Variants in EML6 observed in about 807,000 individuals in gnomAD.
The protein encoded by EML6 is echinoderm microtubule-associated protein-like 6.
A neutral mutation model predicts 240.1 loss-of-function variants in EML6; 154 were observed. The ratio of observed to expected loss-of-function variants is 0.64; its 90% CI spans 0.56 to 0.73. EML6 has a LOEUF of 0.73. EML6 is among the 30% of genes least tolerant of loss of function. The probability of loss-of-function intolerance (pLI) is 0.00; values close to 1 mark genes in which losing one functional copy is unlikely to be tolerated. For missense variants in EML6, 2,964 were observed against 2,474.6 expected (o/e 1.20, Z -4.20); for synonymous variants, 1,148 against 899.0 (o/e 1.28, Z -4.95).
intron 36 of EML6, among the ~76,000 whole-genome samples, 153 bp downstream of exon 36, chr2:54,962,864 C>G (rs940439158): frequency 2.6e-5 from 4 of 152,190 alleles, no homozygotes; most frequent in Non-Finnish European, 1.5e-5. Flanking sequence ...AAAGAAGCCC[C>G]ACTCACCACA....
At position 54,732,210 on chromosome 2, in the gene EML6, A is replaced by G. The variant is rs539212847; in HGVS notation, c.197+6952A>G. Among the ~76,000 whole-genome samples, 14 of 149,090 alleles carry G rather than the reference A, an allele frequency of 9.4e-5. No homozygotes were observed. In the South Asian group the frequency reaches 2.8e-3, roughly 30 times the overall value. On this transcript the variant is annotated intron_variant, in intron 2 of 41. Coordinates refer to ENST00000356458, the MANE Select transcript of EML6 (RefSeq NM_001039753.4). ...TACATATTCTGGGTATGAGTCCCTTATATATTATTTGCAGACTTTTTTCCC... is the reference window on the plus strand; with the variant it reads ...TACATATTCTGGGTATGAGTCCCTTGTATATTATTTGCAGACTTTTTTCCC...
chr2:54,765,748 T>C (rs908436061), intron 2 of EML6, among the ~76,000 whole-genome samples: 62 of 152,186 alleles, frequency 4.1e-4, no homozygotes, highest in Admixed American at 3.5e-3. Context: ...GCGTCATGCA[T>C]TCTTTTTAGT....
At position 54,866,845 on chromosome 2, in the gene EML6, A is replaced by C; in HGVS notation, c.2012A>C (p.Lys671Thr). The C allele has an allele frequency of 6.4e-7, 1 of 1,550,920 alleles. No homozygotes were observed. The highest frequency in any genetic ancestry group is 1.7e-4 in the Middle Eastern group (1 of 5,984). Residue 671 changes from lysine (K) to threonine (T), a missense_variant, in exon 14 of 42, where the codon AAG (lysine) becomes ACG (threonine). Coordinates refer to ENST00000356458, the MANE Select transcript of EML6 (RefSeq NM_001039753.4). ...GCAGTGCCCTTCCTCAAACGAGAAA[A>C]GGCTCCTGAGGACAGCTTGAAACTC... ...NHAVPFLKRE[K>T]APEDSLKLQF...
At chr2:54,764,572 T>G (rs1461940039) in intron 2 of EML6, among the ~76,000 whole-genome samples, 1 of 152,232 alleles carries the variant, frequency 6.6e-6, no homozygotes. Context: ...GCTTAGTAAT[T>G]CAGTGGCTAA....
intron 17 of EML6, chr2:54,880,412 T>C (rs1671753677): frequency 2.6e-5 from 4 of 152,232 alleles, no homozygotes; most frequent in Admixed American, 2.6e-4. Context: ...ATTTTGAAGT[T>C]AATAGCCTTG....
At chr2:54,912,032 C>T (rs1303993607) in intron 25 of EML6, among the ~76,000 whole-genome samples, 2 of 152,256 alleles carry the variant, frequency 1.3e-5, no homozygotes, top group African/African-American at 4.8e-5. Flanking sequence ...GGGTATGCCA[C>T]TGAGTGGCAG....
At position 54,971,600 on chromosome 2, in the gene EML6, A is replaced by G. The variant is rs1677015634; in HGVS notation, c.*1505A>G. The G allele has an allele frequency of 6.6e-6, 1 of 152,222 alleles. No individual in the cohort carries two copies. 9.4% of individuals were successfully genotyped at this position (152,222 alleles called of 1,614,324 possible). A position where few individuals can be genotyped will look rare whatever the true frequency, so the allele number is the denominator to read the frequency against. On this transcript the variant is annotated 3_prime_UTR_variant, in exon 42 of 42. Coordinates refer to ENST00000356458, the MANE Select transcript of EML6 (RefSeq NM_001039753.4). ...CTCATTAAGCTATTTTTATATGCCA[A>G]TTTACTAATGCCTTACATCAATCCA... is the stretch of plus-strand genomic sequence containing the variant.
intron 38 of EML6, 52 bp from the exon 39 acceptor site, chr2:54,966,948 C>G (rs1676775197): frequency 2.5e-6 from 3 of 1,218,766 alleles, no homozygotes; most frequent in South Asian, 2.6e-5. Flanking sequence ...CAAAGGGAGT[C>G]TGTGGGACTG....
rs144217940 is a variant in EML6, at chr2:54,953,989, C to T, written c.4319C>T (p.Thr1440Ile). The T allele has an allele frequency of 1.5e-5, 24 of 1,550,432 alleles. No individual in the cohort carries two copies. In the Admixed American group the frequency reaches 2.4e-4, roughly 15 times the overall value. The change falls in exon 32 of 42, where the codon ACA (threonine) becomes ATA (isoleucine). Residue 1440 changes from threonine (T) to isoleucine (I), a missense_variant. Transcript: ENST00000356458. ...CATGCCTCTCCACACTCAGGGACAA[C>T]ACCTTCCATCCACATATGGGACGCC... ...NVVATSQIGT[T>I]PSIHIWDAMT...
chr2:54,952,283 G>A (rs1053396754), intron 30 of EML6, among the ~76,000 whole-genome samples: 1 of 152,156 alleles, frequency 6.6e-6, no homozygotes, highest in Non-Finnish European at 1.5e-5. Context: ...CTTCATCATT[G>A]TGGACTCTGG....
chr2:54,867,084 G>T, intron 14 of EML6, 200 bp downstream of exon 14: 1 of 415,236 alleles, frequency 2.4e-6, no homozygotes. Context: ...GATGTTCTGT[G>T]GCCATCACAG....
intron 31 of EML6, 135 bp downstream of exon 31, chr2:54,952,827 C>T: frequency 3.1e-6 from 2 of 638,424 alleles, no homozygotes; most frequent in East Asian, 2.7e-5. Context: ...TTTTTTGAGT[C>T]CTGAGTGTAT....
chr2:54,903,586 T>C, intron 24 of EML6, 84 bp downstream of exon 24: 1 of 1,253,828 alleles, frequency 8.0e-7, no homozygotes, highest in South Asian at 1.6e-5. Context: ...AGAATGGCAG[T>C]TGAGTGTTAG....
chr2:54,881,833 A>G (rs1671829245), intron 17 of EML6: 1 of 152,206 alleles, frequency 6.6e-6, no homozygotes, highest in Admixed American at 6.5e-5. Context: ...TGCCAGCCTC[A>G]TTTATAGAGC....
intron 25 of EML6, among the ~76,000 whole-genome samples, chr2:54,912,550 C>T (rs747804605): frequency 2.0e-5 from 3 of 152,132 alleles, no homozygotes; most frequent in Non-Finnish European, 4.4e-5. Flanking sequence ...AGTGTTTCAG[C>T]CTTTGCCACC....
chr2:54,853,000 A>T (rs868254317), intron 10 of EML6, among the ~76,000 whole-genome samples: 1 of 152,226 alleles, frequency 6.6e-6, no homozygotes, highest in Non-Finnish European at 1.5e-5. Context: ...TCCCGCGTGA[A>T]TTACATTTTA....
In EML6 at chr2:54,954,030, C is replaced by G. The variant is rs1676114230; in HGVS notation, c.4360C>G (p.Leu1454Val). 1 of 1,552,048 alleles carries G rather than the reference C, an allele frequency of 6.4e-7. No individual in the cohort carries two copies. The highest frequency in any genetic ancestry group is 8.7e-7 in the Non-Finnish European group (1 of 1,147,016). The change falls in exon 32 of 42, where the codon CTC becomes GTC. Residue 1454 changes from leucine (L) to valine (V), a missense_variant. Physicochemically the swap from Leu to Val is conservative, Grantham distance 32 (BLOSUM62 1). Transcript: ENST00000356458. ...HIWDAMTKHTLSMLRCFHSKG... is the reference protein window; with the variant it reads ...HIWDAMTKHTVSMLRCFHSKG... ...ATGGGACGCCATGACCAAACACACC[C>G]TCTCCATGCTGCGGTGCTTCCACTC...
At chr2:54,911,722 C>T (rs74181223) in intron 25 of EML6, among the ~76,000 whole-genome samples, 187 of 152,322 alleles carry the variant, frequency 1.2e-3, no homozygotes, top group Non-Finnish European at 2.0e-3. Flanking sequence ...CAGACGTGAG[C>T]CACCGTGTCC....
intron 2 of EML6, among the ~76,000 whole-genome samples, chr2:54,771,715 C>T (rs1462238339): frequency 6.6e-6 from 1 of 152,218 alleles, no homozygotes; most frequent in Non-Finnish European, 1.5e-5. Context: ...TCACAGTTGT[C>T]CGATAATCTG....
Sources: allele counts gnomAD v4.1 joint callset (sites outside exome capture counted in the v4.1 genomes callset), GRCh38; gene constraint gnomAD v4.1.1; transcripts MANE v1.5; gene names NCBI Gene and HGNC (gene_info 2026-07-23, HGNC 2026-07-21).